The following TANC2 variants were observed in gnomAD, a reference collection of about 807,000 sequenced individuals.
TANC2 encodes tetratricopeptide repeat, ankyrin repeat and coiled-coil containing 2.
TANC2 carries 26 observed loss-of-function variants against 210.5 expected under a neutral mutation model. The observed-to-expected ratio is 0.12, with a 90% CI of 0.09 to 0.17. The LOEUF (loss-of-function observed/expected upper bound fraction) is 0.17, where lower values mean the gene tolerates loss of function less well. Among genes scored for constraint, TANC2 ranks in the 10% least tolerant of loss-of-function variants. The pLI is 1.00. For missense variants in TANC2, 2,129 were observed against 2,608.9 expected (o/e 0.82, Z 4.01); for synonymous variants, 931 against 967.1 (o/e 0.96, Z 0.69).
chr17:63,197,943 T>C (rs1341315368), intron 6 of TANC2, among the ~76,000 whole-genome samples: 7 of 152,252 alleles, frequency 4.6e-5, no homozygotes, highest in Non-Finnish European at 1.0e-4. Flanking sequence ...TTCTGTTTTC[T>C]AAATGGCTTG....
intron 7 of TANC2, among the ~76,000 whole-genome samples, chr17:63,235,301 A>T (rs1003231741): frequency 3.9e-5 from 6 of 152,142 alleles, no homozygotes; most frequent in African/African-American, 4.8e-5. Flanking sequence ...TGTCTTTCCA[A>T]AATGAGCATA....
chr17:63,112,313 T>C (rs1157561887), intron 4 of TANC2, among the ~76,000 whole-genome samples: 1 of 151,990 alleles, frequency 6.6e-6, no homozygotes, highest in Admixed American at 6.6e-5. Context: ...AGCAGTAGGG[T>C]AATTGTTAGG....
chr17:63,136,783 G>A (rs1410354911), intron 4 of TANC2, among the ~76,000 whole-genome samples: 1 of 152,136 alleles, frequency 6.6e-6, no homozygotes, highest in Non-Finnish European at 1.5e-5. Context: ...AAAGGGCGTG[G>A]GTTGAGGGTG....
chr17:63,402,902 T>G (rs1276445145), intron 19 of TANC2, among the ~76,000 whole-genome samples: 1 of 152,248 alleles, frequency 6.6e-6, no homozygotes, highest in Non-Finnish European at 1.5e-5. Context: ...TGCTCTTGGA[T>G]TTTGAAAAGC....
At chr17:63,178,956 G>A in intron 5 of TANC2, among the ~76,000 whole-genome samples, 1 of 152,124 alleles carries the variant, frequency 6.6e-6, no homozygotes, top group African/African-American at 2.4e-5. Flanking sequence ...TAAGTAGAAG[G>A]TACTTTTTTC....
intron 1 of TANC2, among the ~76,000 whole-genome samples, chr17:62,991,300 G>C (rs1039056574): frequency 2.0e-5 from 3 of 152,038 alleles, no homozygotes; most frequent in African/African-American, 7.2e-5. Flanking sequence ...GACCCTCTGC[G>C]TGTGTGGGTT....
intron 9 of TANC2, among the ~76,000 whole-genome samples, chr17:63,308,564 T>C (rs2045005173): frequency 6.6e-6 from 1 of 152,164 alleles, no homozygotes; most frequent in Non-Finnish European, 1.5e-5. Context: ...TTTATATATT[T>C]ATATATTTTT....
At chr17:63,181,963 C>T (rs1339102686) in intron 5 of TANC2, among the ~76,000 whole-genome samples, 1 of 151,972 alleles carries the variant, frequency 6.6e-6, no homozygotes, top group Non-Finnish European at 1.5e-5. Context: ...AGGTAGTAGG[C>T]GGAAGAGAAG....
chr17:63,001,109 T>C (rs1485462894), intron 1 of TANC2, among the ~76,000 whole-genome samples: 3 of 152,114 alleles, frequency 2.0e-5, no homozygotes. Flanking sequence ...TTTTAAGTAA[T>C]AAGTTGCTGT....
chr17:63,228,865 G>T (rs1300460783), intron 7 of TANC2, among the ~76,000 whole-genome samples: 2 of 152,188 alleles, frequency 1.3e-5, no homozygotes, highest in African/African-American at 2.4e-5. Context: ...ATAGGATCAT[G>T]TCATTTGCAC....
intron 3 of TANC2, among the ~76,000 whole-genome samples, chr17:63,077,140 C>G (rs2144682926): frequency 6.6e-6 from 1 of 151,970 alleles, no homozygotes; most frequent in East Asian, 1.9e-4. Context: ...GTTCATGCTT[C>G]TGGGGGGTGG....
intron 2 of TANC2, among the ~76,000 whole-genome samples, chr17:63,038,279 A>G (rs954337909): frequency 6.6e-6 from 1 of 152,224 alleles, no homozygotes; most frequent in East Asian, 1.9e-4. Context: ...ATAAGATCAT[A>G]TGAGTTTTCT....
chr17:63,080,089 T>C (rs972654777), intron 3 of TANC2, among the ~76,000 whole-genome samples: 3 of 152,228 alleles, frequency 2.0e-5, no homozygotes, highest in Admixed American at 6.5e-5. Flanking sequence ...CTATTGGGTC[T>C]CCATTTTTCC....
chr17:63,022,847 C>T (rs892507035), intron 2 of TANC2, among the ~76,000 whole-genome samples: 1 of 152,138 alleles, frequency 6.6e-6, no homozygotes, highest in African/African-American at 2.4e-5. Context: ...CTTGACTCAC[C>T]TCTCCAAAAG....
intron 1 of TANC2, among the ~76,000 whole-genome samples, chr17:62,970,224 G>T (rs1223001714): frequency 1.3e-5 from 2 of 152,096 alleles, no homozygotes; most frequent in Non-Finnish European, 2.9e-5. Flanking sequence ...TTGTTGATAT[G>T]GGAATTCAAT....
chr17:63,186,631 C>T (rs1163272240), intron 5 of TANC2, among the ~76,000 whole-genome samples: 5 of 152,154 alleles, frequency 3.3e-5, no homozygotes, highest in Non-Finnish European at 7.3e-5. Flanking sequence ...GCTGGGATTA[C>T]AGGCGTGAGC....
At chr17:63,084,392 T>C (rs183565331) in intron 3 of TANC2, among the ~76,000 whole-genome samples, 67 of 152,210 alleles carry the variant, frequency 4.4e-4, no homozygotes, top group Admixed American at 1.6e-3. Context: ...TTAGCCTGGC[T>C]AGAAGCTCCT....
chr17:62,986,750 T>C (rs963124592), intron 1 of TANC2, among the ~76,000 whole-genome samples: 2 of 152,132 alleles, frequency 1.3e-5, no homozygotes, highest in African/African-American at 2.4e-5. Context: ...GGGGTATGTC[T>C]GGCAAGGGCA....
intron 5 of TANC2, among the ~76,000 whole-genome samples, chr17:63,192,493 C>G (rs1469063421): frequency 6.6e-6 from 1 of 152,120 alleles, no homozygotes; most frequent in Non-Finnish European, 1.5e-5. Flanking sequence ...AGCAATATGC[C>G]TATTATTACA....
Sources: gnomAD v4.1 joint callset for allele counts (sites outside exome capture counted in the v4.1 genomes callset) on GRCh38, gnomAD v4.1.1 for gene constraint, MANE v1.5 for transcripts, NCBI Gene and HGNC (gene_info 2026-07-23, HGNC 2026-07-21) for gene names.